Variants in ARHGAP22 observed in about 807,000 individuals in gnomAD.
ARHGAP22 encodes rho GTPase-activating protein 22.
A neutral mutation model predicts 59.1 loss-of-function variants in ARHGAP22; 48 were observed. That is an observed-to-expected ratio of 0.81 (90% CI 0.64 to 1.03). ARHGAP22 has a LOEUF of 1.03. Ranked by LOEUF, ARHGAP22 falls within the 50% of genes least tolerant of loss-of-function variation. ARHGAP22 has a pLI of 0.00. For synonymous variants in ARHGAP22, 445 were observed against 416.4 expected, an observed-to-expected ratio of 1.07 and a Z score of -0.84; for missense variants, 1,015 against 958.7, an observed-to-expected ratio of 1.06 and a Z score of -0.78.
intron 1 of ARHGAP22, among the ~76,000 whole-genome samples, chr10:48,614,351 C>T (rs2061002470): frequency 6.6e-6 from 1 of 152,164 alleles, no homozygotes; most frequent in South Asian, 2.1e-4. Context: ...AGAATAGATT[C>T]ATTGTAGGAG....
At chr10:48,481,887 A>G (rs1346289949) in intron 3 of ARHGAP22, among the ~76,000 whole-genome samples, 1 of 152,204 alleles carries the variant, frequency 6.6e-6, no homozygotes, top group Non-Finnish European at 1.5e-5. Context: ...TTATGTATTT[A>G]GTTGCTATCT....
intron 2 of ARHGAP22, among the ~76,000 whole-genome samples, chr10:48,567,442 A>G (rs1213143001): frequency 6.6e-6 from 1 of 152,244 alleles, no homozygotes; most frequent in Admixed American, 6.5e-5. Context: ...ACAGGGAAGC[A>G]GCAGGATTAA....
chr10:48,611,051 T>C (rs2060864227), intron 1 of ARHGAP22, among the ~76,000 whole-genome samples: 1 of 152,244 alleles, frequency 6.6e-6, no homozygotes, highest in Non-Finnish European at 1.5e-5. Flanking sequence ...CTAGGACTCT[T>C]TGATCCACTT....
intron 1 of ARHGAP22, among the ~76,000 whole-genome samples, chr10:48,590,112 C>T (rs375699973): frequency 1.4e-3 from 219 of 151,998 alleles, no homozygotes; most frequent in African/African-American, 5.2e-3. Flanking sequence ...ACAAGGGCCA[C>T]TTTACAGAGA....
chr10:48,542,034 G>A (rs1037651770), intron 3 of ARHGAP22, among the ~76,000 whole-genome samples: 2 of 152,234 alleles, frequency 1.3e-5, no homozygotes, highest in South Asian at 2.1e-4. Flanking sequence ...AGCATGGCAC[G>A]AGAATGTGGT....
chr10:48,645,506 A>G (rs2062254950), intron 1 of ARHGAP22, among the ~76,000 whole-genome samples: 1 of 152,188 alleles, frequency 6.6e-6, no homozygotes, highest in African/African-American at 2.4e-5. Flanking sequence ...ACACATCTAT[A>G]TATTTTATTA....
intron 2 of ARHGAP22, chr10:48,574,881 G>A (rs181846315): frequency 2.0e-5 from 3 of 152,306 alleles, no homozygotes; most frequent in Admixed American, 1.3e-4. Flanking sequence ...CCAGGTCAAG[G>A]ACTCAGGGAA....
downstream of ARHGAP22, among the ~76,000 whole-genome samples, chr10:48,442,394 G>A (rs776575417): frequency 9.2e-5 from 14 of 152,214 alleles, no homozygotes; most frequent in African/African-American, 2.2e-4. Context: ...GTACAGGTTC[G>A]TCAAGTCAAG....
chr10:48,523,741 GCGGCCAGCCC>G (rs2054046584), intron 3 of ARHGAP22, among the ~76,000 whole-genome samples: 1 of 151,968 alleles, frequency 6.6e-6, no homozygotes, highest in Non-Finnish European at 1.5e-5. Flanking sequence ...AGCCGGCGCC[GCGGCCAGCCC>G]CGGGCCCTGG....
intron 2 of ARHGAP22, among the ~76,000 whole-genome samples, chr10:48,555,800 G>A (rs1179718126): frequency 6.6e-6 from 1 of 152,192 alleles, no homozygotes; most frequent in Non-Finnish European, 1.5e-5. Flanking sequence ...CACAGGCAGG[G>A]GGAACTCTGG....
intron 4 of ARHGAP22, among the ~76,000 whole-genome samples, chr10:48,460,817 G>C (rs2047066765): frequency 6.6e-6 from 1 of 152,196 alleles, no homozygotes; most frequent in Non-Finnish European, 1.5e-5. Context: ...TAAAAAGGAG[G>C]GAAATTCAGA....
chr10:48,650,064 A>G (rs2062489941), intron 1 of ARHGAP22, among the ~76,000 whole-genome samples: 1 of 150,982 alleles, frequency 6.6e-6, no homozygotes, highest in Non-Finnish European at 1.5e-5. Context: ...GCAGGTGGAG[A>G]GAAGAAAGAT....
At chr10:48,482,120 C>T (rs1329736823) in intron 3 of ARHGAP22, among the ~76,000 whole-genome samples, 2 of 152,036 alleles carry the variant, frequency 1.3e-5, no homozygotes, top group Non-Finnish European at 2.9e-5. Context: ...TTGCAAAGTC[C>T]AATTAATCAT....
chr10:48,600,771 C>T (rs2060334103), intron 1 of ARHGAP22, among the ~76,000 whole-genome samples: 1 of 152,180 alleles, frequency 6.6e-6, no homozygotes, highest in Admixed American at 6.5e-5. Context: ...GAGTACCTGG[C>T]TAGTGGCAGA....
At chr10:48,456,774 T>A (rs1010428248) in intron 5 of ARHGAP22, among the ~76,000 whole-genome samples, 9 of 151,976 alleles carry the variant, frequency 5.9e-5, no homozygotes, top group Non-Finnish European at 1.2e-4. Flanking sequence ...TGACCCCCTA[T>A]CCGCTCAGTA....
At chr10:48,536,645 G>A (rs548684835) in intron 3 of ARHGAP22, among the ~76,000 whole-genome samples, 1 of 152,328 alleles carries the variant, frequency 6.6e-6, no homozygotes, top group East Asian at 1.9e-4. Context: ...CAGTTCATTA[G>A]AGGGGTCATG....
intron 2 of ARHGAP22, chr10:48,582,657 T>C (rs554055243): frequency 1.3e-5 from 6 of 458,552 alleles, no homozygotes; most frequent in Non-Finnish European, 2.4e-5. Flanking sequence ...CTTGGAAGCA[T>C]GAAGGGGCCA....
chr10:48,610,630 G>GT (rs935228849), intron 1 of ARHGAP22, among the ~76,000 whole-genome samples: 1 of 152,150 alleles, frequency 6.6e-6, no homozygotes, highest in South Asian at 2.1e-4. Flanking sequence ...TGAGGTAAGA[G>GT]TTTTTTTAGG....
At position 48,450,899 on chromosome 10, in the gene ARHGAP22, C is replaced by T. The variant is rs773627873; in HGVS notation, c.1230G>A (p.Thr410=). 3 of 1,591,634 alleles carry T rather than the reference C, an allele frequency of 1.9e-6. No individual in the cohort carries two copies. The highest frequency in any genetic ancestry group is 2.7e-5 in the African/African-American group (2 of 74,426). ...AVAVLSRTAP[T]GPGSRCSPGK... ...CAGGGCTGCACCGGCTCCCCGGCCC[C>T]GTGGGGGCTGTTCTGGAGAGCACCG... Residue 410 remains threonine, a synonymous_variant, in exon 9 of 10, where the codon ACG becomes ACA. Coordinates refer to ENST00000249601, the MANE Select transcript of ARHGAP22 (RefSeq NM_021226.4).
Sources: allele counts gnomAD v4.1 joint callset (sites outside exome capture counted in the v4.1 genomes callset), GRCh38; gene constraint gnomAD v4.1.1; transcripts MANE v1.5; gene names NCBI Gene and HGNC (gene_info 2026-07-23, HGNC 2026-07-21).